ZNF75D: variants seen among roughly 807,000 people sequenced by gnomAD.
ZNF75D encodes the protein zinc finger protein 75D.
ZNF75D carries 33 observed loss-of-function variants against 33.3 expected under a neutral mutation model. The ratio of observed to expected loss-of-function variants is 0.99; its 90% CI spans 0.75 to 1.32. The LOEUF (loss-of-function observed/expected upper bound fraction) is 1.32, where lower values mean the gene tolerates loss of function less well. Among genes scored for constraint, ZNF75D ranks in the 40% most tolerant of loss-of-function variants. The pLI is 0.00. For missense variants in ZNF75D, 338 were observed against 367.5 expected (o/e 0.92, Z 0.66); for synonymous variants, 113 against 130.6 (o/e 0.87, Z 0.92).
chrX:135,301,588 T>C (rs5929652), intron 1 of ZNF75D, among the ~76,000 whole-genome samples: 28,159 of 111,561 alleles, frequency 0.25, 2,813 homozygotes, highest in South Asian at 0.43. Context: ...ACAGGCCCCA[T>C]GCAAGACCCA....
intron 1 of ZNF75D, among the ~76,000 whole-genome samples, chrX:135,316,021 T>C (rs1569493414): frequency 8.9e-6 from 1 of 112,144 alleles, no homozygotes; most frequent in African/African-American, 3.2e-5. Context: ...TCCCTTATCG[T>C]TTGTCACTGT....
At chrX:135,269,027 C>T (rs1160329479) in intron 1 of ZNF75D, among the ~76,000 whole-genome samples, 5 of 111,593 alleles carry the variant, frequency 4.5e-5, no homozygotes, top group African/African-American at 1.3e-4. Flanking sequence ...AAATGGTGCT[C>T]GGAAACCTGG....
At chrX:135,326,906 A>G (rs11796290) in intron 1 of ZNF75D, among the ~76,000 whole-genome samples, 28,397 of 111,760 alleles carry the variant, frequency 0.25, 2,841 homozygotes, top group South Asian at 0.43. Flanking sequence ...CTTAAGAGCT[A>G]TAACACTCAC....
chrX:135,336,234 G>A lies in ZNF75D; in HGVS notation c.-391+5534C>T, dbSNP rs141294818. ...CAAGAAGGCACCATCTATGAAGCAA[G>A]GAGTGAAGCCTCTCTAGAGACCAAA... On this transcript the variant is annotated intron_variant, in intron 1 of 6. Transcript: ENST00000370766. Among the ~76,000 whole-genome samples, 1,046 of 111,731 alleles carry A rather than the reference G, an allele frequency of 9.4e-3. 8 individuals carry two copies. Among genetic ancestry groups the A allele is most frequent in the Middle Eastern group, 0.051 (11 of 215 alleles).
intron 1 of ZNF75D, among the ~76,000 whole-genome samples, chrX:135,316,973 T>C (rs1264751735): frequency 9.0e-6 from 1 of 111,530 alleles, no homozygotes; most frequent in African/African-American, 3.3e-5. Context: ...AATTTCTTTT[T>C]GATTGAAATC....
chrX:135,323,695 A>G (rs2084525759), intron 1 of ZNF75D, among the ~76,000 whole-genome samples: 1 of 112,030 alleles, frequency 8.9e-6, no homozygotes, highest in African/African-American at 3.2e-5. Context: ...ATTTGGAACC[A>G]GACACATTAC....
chrX:135,291,735 T>G, intron 4 of ZNF75D, 172 bp from the exon 5 acceptor site: 1 of 542,053 alleles, frequency 1.8e-6, no homozygotes, highest in Non-Finnish European at 2.9e-6. Flanking sequence ...ACCAAATATC[T>G]ACCACTCATA....
At chrX:135,331,913 TAG>T (rs2148494370) in intron 1 of ZNF75D, among the ~76,000 whole-genome samples, 1 of 111,819 alleles carries the variant, frequency 8.9e-6, no homozygotes, top group East Asian at 2.8e-4. Context: ...TGCCAAAAAA[TAG>T]CCACCAGCCT....
chrX:135,299,773 A>G (rs781863749), intron 1 of ZNF75D, among the ~76,000 whole-genome samples: 7 of 112,552 alleles, frequency 6.2e-5, no homozygotes, highest in African/African-American at 2.3e-4. Context: ...TCTTTCATCC[A>G]TTTTGAGTTA....
chrX:135,320,048 A>G (rs1476675545), intron 1 of ZNF75D, among the ~76,000 whole-genome samples: 1 of 112,351 alleles, frequency 8.9e-6, no homozygotes, highest in African/African-American at 3.2e-5. Flanking sequence ...TAATCCCAGC[A>G]CTTTGGGAGG....
rs1191975471 is a variant in ZNF75D at position 135,287,943 on chromosome X, T to TAC, written c.824-99_824-98dup. The TAC allele has an allele frequency of 7.3e-6, 5 of 689,466 alleles. No individual in the cohort carries two copies. In the East Asian group the frequency reaches 1.7e-4, roughly 23 times the overall value. 56.8% of individuals were successfully genotyped at this position (689,466 alleles called of 1,213,427 possible). A position where few individuals can be genotyped will look rare whatever the true frequency, so the allele number is the denominator to read the frequency against. On this transcript the variant is annotated intron_variant, in intron 6 of 6. Transcript: ENST00000370766. ...TCAATGATGATTGCTTTAAAAGAAATACAGGAACAAGTGATTTCTGGTCCA... is the reference window on the plus strand; with the variant it reads ...TCAATGATGATTGCTTTAAAAGAAATACACAGGAACAAGTGATTTCTGGTCCA...
rs1195576788 is a variant in ZNF75D, at chrX:135,286,245, A to G, written c.*892T>C. ...ATTCAGGCATATAGGGTTGTAGTTG[A>G]TCAGCCATAAAGATGGGGCTCCCTT... On this transcript the variant is annotated 3_prime_UTR_variant, in exon 7 of 7. Coordinates refer to ENST00000370766, the MANE Select transcript of ZNF75D (RefSeq NM_007131.5). The G allele has an allele frequency of 8.9e-6, 1 of 111,948 alleles. No individual in the cohort carries two copies. The highest frequency in any genetic ancestry group is 1.9e-5 in the Non-Finnish European group (1 of 53,201). 9.2% of individuals were successfully genotyped at this position (111,948 alleles called of 1,213,427 possible).
At chrX:135,330,279 G>A (rs1436102381) in intron 1 of ZNF75D, 1 of 111,509 alleles carries the variant, frequency 9.0e-6, no homozygotes, top group East Asian at 2.8e-4. Flanking sequence ...ATGGGTGTGC[G>A]TGTGTGGGGG....
At chrX:135,338,353 G>C in intron 1 of ZNF75D, among the ~76,000 whole-genome samples, 1 of 111,916 alleles carries the variant, frequency 8.9e-6, no homozygotes, top group Non-Finnish European at 1.9e-5. Flanking sequence ...GATGGAAGCA[G>C]ATGGTACCCA....
chrX:135,295,614 T>C (rs908594825), intron 2 of ZNF75D, among the ~76,000 whole-genome samples, 154 bp downstream of exon 2: 5 of 112,201 alleles, frequency 4.5e-5, no homozygotes, highest in African/African-American at 1.6e-4. Flanking sequence ...CGCCTGTCAG[T>C]GGCGCCACTG....
intron 1 of ZNF75D, among the ~76,000 whole-genome samples, chrX:135,332,744 C>T (rs2084665883): frequency 8.9e-6 from 1 of 112,197 alleles, no homozygotes; most frequent in South Asian, 3.7e-4. Flanking sequence ...ACTTGGCTGA[C>T]TTCCTAGAAA....
At chrX:135,300,408 C>T (rs1556424306) in intron 1 of ZNF75D, among the ~76,000 whole-genome samples, 1 of 108,271 alleles carries the variant, frequency 9.2e-6, no homozygotes, top group Non-Finnish European at 1.9e-5. Flanking sequence ...GGACCCTATG[C>T]AAAAGGGGAA....
At chrX:135,334,435 G>A (rs1035162866) in intron 1 of ZNF75D, among the ~76,000 whole-genome samples, 1 of 112,019 alleles carries the variant, frequency 8.9e-6, no homozygotes, top group Non-Finnish European at 1.9e-5. Flanking sequence ...ACCAACATCC[G>A]TTGTCCTGTG....
chrX:135,293,718 C>G lies in ZNF75D; in HGVS notation c.411+12G>C. ...CTACTTCATTGTACATGTAGGCAAT[C>G]TTTCTTCTTACCTCATTCTTTGTTC... On this transcript the variant is annotated intron_variant, in intron 3 of 6. Transcript: ENST00000370766. 1 of 1,158,262 alleles carries G rather than the reference C, an allele frequency of 8.6e-7. No homozygotes were observed. Among genetic ancestry groups the G allele is most frequent in the Non-Finnish European group, 1.2e-6 (1 of 867,281 alleles).
Sources: allele counts gnomAD v4.1 joint callset (sites outside exome capture counted in the v4.1 genomes callset), GRCh38; gene constraint gnomAD v4.1.1; transcripts MANE v1.5; gene names NCBI Gene and HGNC (gene_info 2026-07-23, HGNC 2026-07-21).